ROBO2: variants seen among roughly 807,000 people sequenced by gnomAD.
ROBO2 encodes the protein roundabout homolog 2.
Under a neutral mutation model 160.8 loss-of-function variants are expected in ROBO2, and 53 were observed. The observed-to-expected ratio is 0.33, with a 90% CI of 0.26 to 0.41. ROBO2 has a LOEUF of 0.41. ROBO2 is among the 10% of genes least tolerant of loss of function. ROBO2 has a pLI of 1.00. For synonymous variants in ROBO2, 664 were observed against 611.7 expected, an observed-to-expected ratio of 1.09 and a Z score of -1.26; for missense variants, 1,577 against 1,722.4, an observed-to-expected ratio of 0.92 and a Z score of 1.49.
At chr3:77,036,070 G>C (rs924485424), upstream of ROBO2, among the ~76,000 whole-genome samples, 2 of 151,886 alleles carry the variant, frequency 1.3e-5, no homozygotes, top group Non-Finnish European at 2.9e-5. Context: ...CAATGTGGTA[G>C]ATGTCTTAAA....
At chr3:77,622,979 C>T (rs1258764631) in intron 23 of ROBO2, among the ~76,000 whole-genome samples, 2 of 152,128 alleles carry the variant, frequency 1.3e-5, no homozygotes, top group African/African-American at 2.4e-5. Flanking sequence ...TGCTTCTCTT[C>T]CAAGAAATGC....
chr3:75,958,811 TA>T (rs900504844), intron 2 of ROBO2, among the ~76,000 whole-genome samples: 1 of 151,740 alleles, frequency 6.6e-6, no homozygotes, highest in Non-Finnish European at 1.5e-5. Flanking sequence ...GTAACAAAGA[TA>T]AAAAAAGCAG....
intron 2 of ROBO2, among the ~76,000 whole-genome samples, chr3:76,141,165 A>C (rs1362380181): frequency 7.1e-4 from 62 of 87,004 alleles, no homozygotes; most frequent in African/African-American, 1.3e-3. Context: ...CTCTCTATAT[A>C]TATATATATA....
chr3:76,709,681 T>C (rs1478662678), intron 2 of ROBO2, among the ~76,000 whole-genome samples: 1 of 152,340 alleles, frequency 6.6e-6, no homozygotes, highest in East Asian at 1.9e-4. Flanking sequence ...TTCAGCAATG[T>C]TATATGCCAT....
intron 2 of ROBO2, chr3:77,317,189 C>T: frequency 1.1e-6 from 1 of 881,414 alleles, no homozygotes; most frequent in Non-Finnish European, 1.9e-6. Flanking sequence ...ACTAGAGCAC[C>T]CCGGATGGAA....
intron 2 of ROBO2, among the ~76,000 whole-genome samples, chr3:76,933,445 G>C (rs2077483818): frequency 3.3e-5 from 5 of 152,190 alleles, no homozygotes; most frequent in Admixed American, 2.6e-4. Context: ...ATTTGCTGAT[G>C]TCAGTTGTTC....
At chr3:76,927,592 A>G (rs926019770) in intron 2 of ROBO2, among the ~76,000 whole-genome samples, 2 of 152,226 alleles carry the variant, frequency 1.3e-5, no homozygotes, top group African/African-American at 4.8e-5. Context: ...TCAACAACGC[A>G]TAAGAATTAT....
chr3:77,263,688 G>A (rs1487537535), intron 2 of ROBO2, among the ~76,000 whole-genome samples: 1 of 152,184 alleles, frequency 6.6e-6, no homozygotes, highest in Non-Finnish European at 1.5e-5. Flanking sequence ...TGTCTTTGCT[G>A]TTGTGAATTG....
intron 2 of ROBO2, among the ~76,000 whole-genome samples, chr3:75,980,467 T>A (rs191684823): frequency 6.6e-6 from 1 of 151,620 alleles, no homozygotes; most frequent in East Asian, 1.9e-4. Flanking sequence ...CTCTTGAAAT[T>A]AAAAAAACTG....
intron 2 of ROBO2, among the ~76,000 whole-genome samples, chr3:76,706,082 A>G (rs1163910850): frequency 1.3e-5 from 2 of 152,160 alleles, no homozygotes; most frequent in African/African-American, 4.8e-5. Context: ...AGAAAGCAAT[A>G]ATAGTATTCA....
intron 2 of ROBO2, among the ~76,000 whole-genome samples, chr3:77,374,386 G>T (rs1030388823): frequency 4.0e-5 from 6 of 151,872 alleles, no homozygotes; most frequent in Non-Finnish European, 8.8e-5. Context: ...GGAATTGAGA[G>T]ATTTTTCTTA....
intron 5 of ROBO2, among the ~76,000 whole-genome samples, chr3:77,501,080 G>C (rs2087531436): frequency 6.6e-6 from 1 of 152,194 alleles, no homozygotes; most frequent in South Asian, 2.1e-4. Flanking sequence ...CCAAACAGGA[G>C]CCACAGTAGG....
intron 2 of ROBO2, among the ~76,000 whole-genome samples, chr3:76,221,274 A>G (rs141660596): frequency 7.3e-4 from 110 of 151,472 alleles, no homozygotes; most frequent in African/African-American, 2.6e-3. Context: ...TGCCACTCTC[A>G]TTTTACAAGT....
chr3:77,309,783 C>A (rs924109530), intron 2 of ROBO2, among the ~76,000 whole-genome samples: 1 of 152,182 alleles, frequency 6.6e-6, no homozygotes, highest in Non-Finnish European at 1.5e-5. Context: ...ACATTTACAT[C>A]AGCAAGAACC....
At chr3:75,913,511 A>C (rs1259909810) in intron 1 of ROBO2, among the ~76,000 whole-genome samples, 2 of 152,198 alleles carry the variant, frequency 1.3e-5, no homozygotes, top group Admixed American at 1.3e-4. Context: ...TTATTTTTGA[A>C]CCATTAGAAG....
chr3:76,993,279 A>C (rs936740554), intron 2 of ROBO2, among the ~76,000 whole-genome samples: 5 of 152,184 alleles, frequency 3.3e-5, no homozygotes, highest in African/African-American at 1.2e-4. Context: ...ATTATTGTTT[A>C]AAAAATAATA....
intron 2 of ROBO2, among the ~76,000 whole-genome samples, chr3:77,296,869 G>GC (rs2062187588): frequency 6.6e-6 from 1 of 152,094 alleles, no homozygotes; most frequent in African/African-American, 2.4e-5. Flanking sequence ...TTGCTGATTA[G>GC]CAGCAAGAAG....
At chr3:75,942,004 C>A (rs933591033) in intron 2 of ROBO2, among the ~76,000 whole-genome samples, 1 of 152,138 alleles carries the variant, frequency 6.6e-6, no homozygotes, top group South Asian at 2.1e-4. Flanking sequence ...CGGTTCCTTA[C>A]AATCGTTTCC....
intron 13 of ROBO2, 145 bp from the exon 15 acceptor site, chr3:77,574,354 A>G (rs2093709058): frequency 1.4e-6 from 1 of 706,690 alleles, no homozygotes; most frequent in African/African-American, 1.8e-5. Flanking sequence ...AGTTATTAGA[A>G]GCAGAGAGAT....
Sources: allele counts gnomAD v4.1 joint callset (sites outside exome capture counted in the v4.1 genomes callset), GRCh38; gene constraint gnomAD v4.1.1; transcripts MANE v1.5; gene names NCBI Gene and HGNC (gene_info 2026-07-23, HGNC 2026-07-21).